TCF20: variants seen among roughly 807,000 people sequenced by gnomAD.
TCF20 encodes the protein transcription factor 20.
In TCF20, 3 loss-of-function variants were observed where a neutral mutation model predicts 148.6. The ratio of observed to expected loss-of-function variants is 0.02; its 90% CI spans 0.01 to 0.05. The LOEUF (loss-of-function observed/expected upper bound fraction) is 0.05. Ranked by LOEUF, TCF20 falls within the 10% of genes least tolerant of loss-of-function variation. The pLI is 1.00. For synonymous variants in TCF20, 1,049 were observed against 909.5 expected (o/e 1.15, Z -2.76); for missense variants, 2,350 against 2,429.3 (o/e 0.97, Z 0.69).
At chr22:42,280,199 A>G (rs964316421) in intron 1 of TCF20, among the ~76,000 whole-genome samples, 1 of 152,240 alleles carries the variant, frequency 6.6e-6, no homozygotes, top group African/African-American at 2.4e-5. Context: ...CAAGAGAATC[A>G]CAGCCCCTTA....
intron 1 of TCF20, among the ~76,000 whole-genome samples, chr22:42,326,958 A>G (rs1046036598): frequency 3.9e-5 from 6 of 152,250 alleles, no homozygotes; most frequent in African/African-American, 1.2e-4. Flanking sequence ...TAGTGAGGAA[A>G]GGGCAGATCT....
intron 1 of TCF20, among the ~76,000 whole-genome samples, chr22:42,277,543 T>C (rs1926806894): frequency 6.6e-6 from 1 of 152,110 alleles, no homozygotes; most frequent in African/African-American, 2.4e-5. Context: ...GGGCACGGCA[T>C]GGGCAAAGGC....
In TCF20 at chr22:42,209,726, G is replaced by C. The variant is rs1254203912; in HGVS notation, c.5580C>G (p.Leu1860=). The C allele has an allele frequency of 6.2e-7, 1 of 1,614,236 alleles. No homozygotes were observed. Among genetic ancestry groups the C allele is most frequent in the African/African-American group, 1.3e-5 (1 of 75,062 alleles). ...NEFWVHEGCI[L]WANGIYLVCG... ...AAACCAGGTAGATTCCATTGGCCCA[G>C]AGAATACAACCCTCATGGACCCAAA... The change falls in exon 2 of 6, where the codon CTC becomes CTG. Residue 1860 remains leucine (L), a synonymous_variant. Coordinates refer to ENST00000677622, the MANE Select transcript of TCF20 (RefSeq NM_001378418.1).
At chr22:42,216,701 A>G (rs2147231052) in intron 1 of TCF20, among the ~76,000 whole-genome samples, 1 of 152,346 alleles carries the variant, frequency 6.6e-6, no homozygotes, top group East Asian at 1.9e-4. Context: ...TTACTATGAA[A>G]GAATTAGAAG....
intron 1 of TCF20, among the ~76,000 whole-genome samples, chr22:42,221,801 A>G (rs1221758692): frequency 2.4e-5 from 3 of 123,242 alleles, no homozygotes; most frequent in African/African-American, 3.2e-5. Context: ...TGCAGTGGCG[A>G]TATCTCGGCT....
Position 42,323,245 on chromosome 22 carries a change from C to T in TCF20, c.-37+20234G>A, listed in dbSNP as rs988816648. ...GGCCTCTTGTTCAGAGGCCAAAGCC[C>T]CCACTGGATAACCCACTCCAGAACC... On this transcript the variant is annotated intron_variant, in intron 1 of 1. Coordinates refer to the TCF20 transcript ENST00000515426. Among the ~76,000 whole-genome samples, 7 of 151,694 alleles carry T rather than the reference C, an allele frequency of 4.6e-5. 1 individual carries two copies. Among genetic ancestry groups the T allele is most frequent in the Non-Finnish European group, 4.4e-5 (3 of 67,784 alleles).
At chr22:42,185,371 G>A (rs1428331649) in intron 2 of TCF20, among the ~76,000 whole-genome samples, 2 of 152,208 alleles carry the variant, frequency 1.3e-5, no homozygotes, top group Non-Finnish European at 2.9e-5. Flanking sequence ...CATAGGCACT[G>A]TAAATGTGGG....
intron 1 of TCF20, among the ~76,000 whole-genome samples, chr22:42,252,413 T>C (rs947232041): frequency 2.6e-4 from 39 of 152,318 alleles, no homozygotes; most frequent in Admixed American, 2.1e-3. Context: ...GGTAATATTT[T>C]ATAAAATATT....
chr22:42,260,740 T>TC (rs1317857582), intron 1 of TCF20, among the ~76,000 whole-genome samples: 3 of 152,106 alleles, frequency 2.0e-5, no homozygotes, highest in Admixed American at 6.6e-5. Flanking sequence ...TGCCTTAGCC[T>TC]CCCAAAGTGC....
chr22:42,249,695 C>G (rs901802445), intron 1 of TCF20, among the ~76,000 whole-genome samples: 1 of 152,168 alleles, frequency 6.6e-6, no homozygotes, highest in African/African-American at 2.4e-5. Flanking sequence ...CTTTGAAGAT[C>G]GCAGAAGTGA....
intron 1 of TCF20, among the ~76,000 whole-genome samples, chr22:42,294,373 T>C (rs1049421790): frequency 6.6e-6 from 1 of 152,192 alleles, no homozygotes; most frequent in African/African-American, 2.4e-5. Flanking sequence ...CTCAATAAAG[T>C]TCCCCTTGAA....
intron 2 of TCF20, among the ~76,000 whole-genome samples, chr22:42,188,865 G>A (rs1190957556): frequency 6.6e-6 from 1 of 152,192 alleles, no homozygotes; most frequent in Non-Finnish European, 1.5e-5. Flanking sequence ...AGAATGATCT[G>A]GGGGTAAAGC....
intron 1 of TCF20, among the ~76,000 whole-genome samples, chr22:42,264,633 A>C (rs1348406426): frequency 6.6e-6 from 1 of 152,250 alleles, no homozygotes; most frequent in Non-Finnish European, 1.5e-5. Context: ...CGACTGCCCT[A>C]CTGGCAGAAA....
chr22:42,231,953 G>A (rs1304328904), intron 1 of TCF20, among the ~76,000 whole-genome samples: 1 of 146,098 alleles, frequency 6.8e-6, no homozygotes, highest in Non-Finnish European at 1.5e-5. Flanking sequence ...AAAAGTTACA[G>A]TAATCTAAGG....
At chr22:42,291,366 G>A (rs570356245) in intron 1 of TCF20, among the ~76,000 whole-genome samples, 1 of 152,310 alleles carries the variant, frequency 6.6e-6, no homozygotes, top group East Asian at 1.9e-4. Flanking sequence ...ATTCCCTGAG[G>A]AGAGGGCAGT....
Position 42,243,405 on chromosome 22 carries a change from C to G in TCF20, c.-37+26934G>C, listed in dbSNP as rs1924637273. 2.7e-5 allele frequency among the ~76,000 whole-genome samples: 4 copies of G among 149,482 alleles called. No homozygotes were observed. The Admixed American group carries it at 2.7e-4, about 10-fold the overall frequency. ...ATCACTTGACGTCAGAAATTTGAGA[C>G]CAGCCTGGCCAACACGGTGAAACCC... On this transcript the variant is annotated intron_variant, in intron 1 of 5. Transcript: ENST00000677622.
At chr22:42,283,862 G>A (rs1926968904) in exon 1 of TCF20, among the ~76,000 whole-genome samples, 1 of 152,210 alleles carries the variant, frequency 6.6e-6, no homozygotes, top group South Asian at 2.1e-4. Flanking sequence ...CCTTGCCCCA[G>A]ACCCCTTGCC....
chr22:42,205,232 A>C (rs767674412), intron 2 of TCF20, among the ~76,000 whole-genome samples: 6 of 151,670 alleles, frequency 4.0e-5, no homozygotes, highest in Non-Finnish European at 5.9e-5. Flanking sequence ...GTTGGACAGA[A>C]GCAAAGGGGA....
intron 1 of TCF20, among the ~76,000 whole-genome samples, chr22:42,306,176 T>C (rs2157296): frequency 0.65 from 98,300 of 151,854 alleles, 32,262 homozygotes; most frequent in African/African-American, 0.75. Flanking sequence ...ACGGAGCCGC[T>C]GTGCGCGCCG....
Sources: gnomAD v4.1 joint callset for allele counts (sites outside exome capture counted in the v4.1 genomes callset) on GRCh38, gnomAD v4.1.1 for gene constraint, MANE v1.5 for transcripts, NCBI Gene and HGNC (gene_info 2026-07-23, HGNC 2026-07-21) for gene names.